The following FNDC3B variants were observed in gnomAD, a reference collection of about 807,000 sequenced individuals.
FNDC3B encodes fibronectin type III domain-containing protein 3B.
FNDC3B carries 12 observed loss-of-function variants against 151.5 expected under a neutral mutation model. The ratio of observed to expected loss-of-function variants is 0.08; its 90% CI spans 0.05 to 0.13. The LOEUF is 0.13. Among genes scored for constraint, FNDC3B ranks in the 10% least tolerant of loss-of-function variants. The pLI, the probability that FNDC3B is intolerant of heterozygous loss-of-function variation, is 1.00. For synonymous variants in FNDC3B, 528 were observed against 549.0 expected, an observed-to-expected ratio of 0.96 and a Z score of 0.54; for missense variants, 1,214 against 1,505.3, an observed-to-expected ratio of 0.81 and a Z score of 3.20.
At chr3:172,344,929 A>G (rs1733529881) in intron 19 of FNDC3B, among the ~76,000 whole-genome samples, 2 of 152,174 alleles carry the variant, frequency 1.3e-5, no homozygotes, top group South Asian at 4.1e-4. Context: ...GGGCTCAGAG[A>G]TTGATGAAGC....
At chr3:172,111,096 TAAA>T (rs1240844592) in intron 1 of FNDC3B, among the ~76,000 whole-genome samples, 6 of 104,760 alleles carry the variant, frequency 5.7e-5, no homozygotes, top group Non-Finnish European at 5.8e-5. Context: ...GAGACTCCAT[TAAA>T]AAAAAAAAAA....
intron 3 of FNDC3B, among the ~76,000 whole-genome samples, chr3:172,172,306 T>G (rs1398775107): frequency 6.6e-6 from 1 of 152,210 alleles, no homozygotes; most frequent in South Asian, 2.1e-4. Flanking sequence ...ACCTAGATCT[T>G]AATTTCTAGA....
intron 23 of FNDC3B, among the ~76,000 whole-genome samples, chr3:172,367,275 ATTT>A (rs3083932): frequency 8.6e-5 from 13 of 151,154 alleles, no homozygotes; most frequent in East Asian, 1.9e-4. Context: ...TCAATCATCG[ATTT>A]TTTTTTTTTC....
At position 172,388,485 on chromosome 3, in the gene FNDC3B, C is replaced by T. The variant is rs1735842160; in HGVS notation, c.3303+7392C>T. ...TCAATAAAAAAAATCTCAAATGGAGCCATGCCGTTTAAATTGGATTGAGTC... is the reference window on the plus strand; with the variant it reads ...TCAATAAAAAAAATCTCAAATGGAGTCATGCCGTTTAAATTGGATTGAGTC... On this transcript the variant is annotated intron_variant, in intron 25 of 25. Coordinates refer to ENST00000415807, the MANE Select transcript of FNDC3B (RefSeq NM_022763.4). Among the ~76,000 whole-genome samples the T allele has an allele frequency of 2.6e-5, 4 of 152,232 alleles. No individual in the cohort carries two copies. The South Asian group carries it at 8.3e-4, about 32-fold the overall frequency.
intron 9 of FNDC3B, chr3:172,302,843 TGTGTGTGTATGTGTGAGAGA>T (rs1730987279): frequency 6.6e-6 from 1 of 150,746 alleles, no homozygotes; most frequent in African/African-American, 2.5e-5. Context: ...CTCCTGTCTC[TGTGTGTGTATGTGTGAGAGA>T]GAGAGAGAGA....
chr3:172,157,045 T>C (rs951273376), intron 3 of FNDC3B, among the ~76,000 whole-genome samples: 1 of 152,236 alleles, frequency 6.6e-6, no homozygotes, highest in African/African-American at 2.4e-5. Context: ...AACTTAATTA[T>C]ACAAGCAGTG....
intron 2 of FNDC3B, among the ~76,000 whole-genome samples, chr3:172,116,098 A>G (rs141752336): frequency 3.9e-4 from 59 of 152,346 alleles, no homozygotes; most frequent in Admixed American, 3.2e-3. Flanking sequence ...CATTTTGCGC[A>G]GGTAGGAGGG....
At chr3:172,231,324 G>C (rs1726876009) in intron 4 of FNDC3B, among the ~76,000 whole-genome samples, 1 of 152,198 alleles carries the variant, frequency 6.6e-6, no homozygotes, top group Non-Finnish European at 1.5e-5. Context: ...GGGGTATGCT[G>C]TTTCTTTGCG....
intron 1 of FNDC3B, among the ~76,000 whole-genome samples, chr3:172,042,835 T>TG (rs1716154640): frequency 6.6e-6 from 1 of 152,026 alleles, no homozygotes; most frequent in South Asian, 2.1e-4. Flanking sequence ...GTTTAAGTTT[T>TG]TTTTTTTTTT....
rs527822014 is a variant in FNDC3B, at chr3:172,241,295, G to A, written c.265-6238G>A. Among the ~76,000 whole-genome samples the A allele has an allele frequency of 4.6e-5, 7 of 152,274 alleles. No individual in the cohort carries two copies. In the South Asian group the frequency reaches 1.4e-3, roughly 32 times the overall value. On this transcript the variant is annotated intron_variant, in intron 4 of 25. Transcript: ENST00000415807. The stretch of plus-strand genomic sequence containing the variant: ...CACAGACTGGATAGTTTACACAAGA[G>A]AAATTTATTTTCTTACAATTCTAGA...
intron 2 of FNDC3B, among the ~76,000 whole-genome samples, chr3:172,113,276 A>G (rs891398385): frequency 2.6e-5 from 4 of 152,240 alleles, no homozygotes; most frequent in African/African-American, 9.6e-5. Flanking sequence ...TACATCCTTC[A>G]GAAGCATAAA....
At chr3:172,264,990 G>A (rs1314822183) in intron 6 of FNDC3B, among the ~76,000 whole-genome samples, 1 of 152,144 alleles carries the variant, frequency 6.6e-6, no homozygotes, top group Non-Finnish European at 1.5e-5. Context: ...AAACAACCTC[G>A]ATAAGAGGAT....
chr3:172,270,400 C>T (rs1034685156), intron 6 of FNDC3B, among the ~76,000 whole-genome samples: 8 of 152,234 alleles, frequency 5.3e-5, no homozygotes, highest in African/African-American at 1.9e-4. Flanking sequence ...CAGCCCTGCT[C>T]CAGTTCTCTG....
chr3:172,255,642 A>G (rs1229174013), intron 6 of FNDC3B, among the ~76,000 whole-genome samples: 1 of 150,356 alleles, frequency 6.7e-6, no homozygotes, highest in Non-Finnish European at 1.5e-5. Flanking sequence ...CTGGTCTCCA[A>G]CTCCTGGCCT....
intron 3 of FNDC3B, among the ~76,000 whole-genome samples, chr3:172,175,393 G>T (rs1394605575): frequency 6.6e-6 from 1 of 152,064 alleles, no homozygotes; most frequent in Non-Finnish European, 1.5e-5. Flanking sequence ...CGGATGGGCG[G>T]GTGGTGGGGG....
At chr3:172,228,261 C>T (rs1173233175) in intron 4 of FNDC3B, among the ~76,000 whole-genome samples, 3 of 152,184 alleles carry the variant, frequency 2.0e-5, no homozygotes, top group East Asian at 3.8e-4. Flanking sequence ...ATCACATTCA[C>T]ATCAGCCGTC....
At chr3:172,176,965 C>T (rs1723627665) in intron 3 of FNDC3B, among the ~76,000 whole-genome samples, 1 of 151,952 alleles carries the variant, frequency 6.6e-6, no homozygotes, top group Admixed American at 6.6e-5. Flanking sequence ...AAGACAAAAC[C>T]TAAGGGGTAA....
chr3:172,051,103 G>C (rs1716629127), intron 1 of FNDC3B, among the ~76,000 whole-genome samples: 1 of 142,514 alleles, frequency 7.0e-6, no homozygotes, highest in South Asian at 2.2e-4. Context: ...TTTTTTTGGA[G>C]ATGGAGTTTC....
At chr3:172,178,040 T>A (rs1318462985) in intron 3 of FNDC3B, among the ~76,000 whole-genome samples, 2 of 152,192 alleles carry the variant, frequency 1.3e-5, no homozygotes, top group Non-Finnish European at 2.9e-5. Context: ...CATTTCTTTT[T>A]GTGGCTGCAT....
Sources: allele counts gnomAD v4.1 joint callset (sites outside exome capture counted in the v4.1 genomes callset), GRCh38; gene constraint gnomAD v4.1.1; transcripts MANE v1.5; gene names NCBI Gene and HGNC (gene_info 2026-07-23, HGNC 2026-07-21).